The following PRKN variants were observed in gnomAD, a reference collection of about 807,000 sequenced individuals.
PRKN encodes E3 ubiquitin-protein ligase parkin.
In PRKN, 56 loss-of-function variants were observed where a neutral mutation model predicts 59.5. That is an observed-to-expected ratio of 0.94 (90% CI 0.76 to 1.18). The LOEUF (loss-of-function observed/expected upper bound fraction) is 1.18, where lower values mean the gene tolerates loss of function less well. PRKN is among the 50% of genes most tolerant of loss of function. PRKN has a pLI of 0.00. For missense variants in PRKN, 657 were observed against 596.4 expected, an observed-to-expected ratio of 1.10 and a Z score of -1.06; for synonymous variants, 250 against 222.1, an observed-to-expected ratio of 1.13 and a Z score of -1.12.
chr6:162,310,683 A>T (rs1372259104), intron 2 of PRKN, among the ~76,000 whole-genome samples: 1 of 152,022 alleles, frequency 6.6e-6, no homozygotes, highest in Non-Finnish European at 1.5e-5. Flanking sequence ...AACATGGCAC[A>T]TGTATACATA....
At chr6:161,541,167 T>C (rs367757397) in intron 9 of PRKN, among the ~76,000 whole-genome samples, 10 of 152,226 alleles carry the variant, frequency 6.6e-5, no homozygotes, top group Admixed American at 2.0e-4. Context: ...AAATGGGCTA[T>C]ATCTGCACTG....
In PRKN at chr6:162,179,996, GTGTGTGTGTGTA is replaced by G. The variant is rs1383506339; in HGVS notation, c.534+21123_534+21134del. Among the ~76,000 whole-genome samples the G allele has an allele frequency of 7.3e-5, 11 of 150,860 alleles. 1 individual carries two copies. The East Asian group carries it at 1.4e-3, about 19-fold the overall frequency. ...TGTGTGTGTGTGTGTGTGTGTGTGT[GTGTGTGTGTGTA>G]TGTGTGTAGCAAAGTCTACATCCTA... On this transcript the variant is annotated intron_variant, in intron 4 of 11. Transcript: ENST00000366898.
At chr6:161,606,888 G>A (rs753360711) in intron 7 of PRKN, among the ~76,000 whole-genome samples, 2 of 152,200 alleles carry the variant, frequency 1.3e-5, no homozygotes, top group Non-Finnish European at 2.9e-5. Context: ...CCAGGCTGAA[G>A]ACAAAATGTT....
chr6:162,034,170 T>C (rs1247161002), intron 5 of PRKN, among the ~76,000 whole-genome samples: 1 of 110,346 alleles, frequency 9.1e-6, no homozygotes, highest in East Asian at 3.3e-4. Flanking sequence ...TACACATACA[T>C]ATATATATAT....
intron 4 of PRKN, among the ~76,000 whole-genome samples, chr6:162,073,429 C>T (rs1778668702): frequency 6.6e-6 from 1 of 152,110 alleles, no homozygotes; most frequent in Non-Finnish European, 1.5e-5. Flanking sequence ...ACCTCTATAG[C>T]TTTGGGTTTT....
intron 6 of PRKN, among the ~76,000 whole-genome samples, chr6:161,839,846 A>G (rs1353170545): frequency 6.6e-6 from 1 of 152,216 alleles, no homozygotes. Flanking sequence ...GTGTGCAAAT[A>G]CACAAAATGT....
intron 2 of PRKN, among the ~76,000 whole-genome samples, chr6:162,327,464 G>A (rs1783345491): frequency 6.6e-6 from 1 of 152,124 alleles, no homozygotes; most frequent in South Asian, 2.1e-4. Flanking sequence ...TGAGGTCCTT[G>A]ACAATGGTCT....
intron 7 of PRKN, among the ~76,000 whole-genome samples, chr6:161,596,774 TG>T (rs2128142266): frequency 6.6e-6 from 1 of 152,294 alleles, no homozygotes; most frequent in Non-Finnish European, 1.5e-5. Context: ...TGTAGGAGAA[TG>T]AAAGTGCTGA....
intron 6 of PRKN, among the ~76,000 whole-genome samples, chr6:161,947,659 A>G (rs937512254): frequency 6.6e-6 from 1 of 152,348 alleles, no homozygotes; most frequent in African/African-American, 2.4e-5. Context: ...CGCAAGAAAG[A>G]AAGTTCCTTT....
At chr6:161,877,659 A>G (rs1262794579) in intron 6 of PRKN, among the ~76,000 whole-genome samples, 1 of 151,742 alleles carries the variant, frequency 6.6e-6, no homozygotes, top group East Asian at 1.9e-4. Flanking sequence ...TAGTAGAGAC[A>G]GGGTTACACC....
Position 161,973,386 on chromosome 6 carries a change from G to C in PRKN, c.650C>G (p.Thr217Ser). Residue 217 changes from threonine (T) to serine (S), a missense_variant, in exon 6 of 12, where the codon ACC becomes AGC. By Grantham distance (58) the Thr-to-Ser change is moderately conservative (BLOSUM62 1). Coordinates refer to ENST00000366898, the MANE Select transcript of PRKN (RefSeq NM_004562.3). ...AGCTACTGATGTTTCCTTGTCAGAG[G>C]TGGGGTGTGCTCCACATTTAAAGAA... ...EFFFKCGAHP[T>S]SDKETSVALH... 1 of 1,613,372 alleles carries C rather than the reference G, an allele frequency of 6.2e-7. No homozygotes were observed. The highest frequency in any genetic ancestry group is 8.5e-7 in the Non-Finnish European group (1 of 1,179,322).
At chr6:162,039,800 A>G (rs184383112) in intron 5 of PRKN, among the ~76,000 whole-genome samples, 2 of 149,608 alleles carry the variant, frequency 1.3e-5, no homozygotes, top group Non-Finnish European at 3.0e-5. Flanking sequence ...TATGCACACA[A>G]ACAGACAGAC....
intron 2 of PRKN, among the ~76,000 whole-genome samples, chr6:162,313,506 A>T (rs1782617059): frequency 6.6e-6 from 1 of 151,368 alleles, no homozygotes; most frequent in Non-Finnish European, 1.5e-5. Flanking sequence ...TATTTTTTTG[A>T]AATGTAGTTT....
At chr6:161,734,853 A>G (rs958058217) in intron 7 of PRKN, among the ~76,000 whole-genome samples, 1 of 152,142 alleles carries the variant, frequency 6.6e-6, no homozygotes, top group Non-Finnish European at 1.5e-5. Flanking sequence ...CCATTTGCCT[A>G]TATCACAATG....
At chr6:162,141,292 A>G (rs1297686088) in intron 4 of PRKN, among the ~76,000 whole-genome samples, 4 of 152,196 alleles carry the variant, frequency 2.6e-5, no homozygotes, top group Admixed American at 6.5e-5. Context: ...TGGGTTTTTA[A>G]TAAAAATTAT....
At chr6:162,462,128 CTT>C (rs145087827) in intron 1 of PRKN, among the ~76,000 whole-genome samples, 8 of 152,082 alleles carry the variant, frequency 5.3e-5, no homozygotes, top group Non-Finnish European at 5.9e-5. Flanking sequence ...TCCCATGAAA[CTT>C]TTAACGAGCT....
chr6:162,570,110 A>T (rs1023585457), intron 1 of PRKN, among the ~76,000 whole-genome samples: 1 of 152,250 alleles, frequency 6.6e-6, no homozygotes, highest in African/African-American at 2.4e-5. Context: ...TAGGAAAAAA[A>T]TATATAATAA....
At chr6:162,584,252 A>C (rs1262641787) in intron 1 of PRKN, among the ~76,000 whole-genome samples, 7 of 150,710 alleles carry the variant, frequency 4.6e-5, no homozygotes, top group East Asian at 1.9e-4. Context: ...AAAACAAAAA[A>C]AAAAAAAACA....
chr6:161,985,795 T>C (rs1781413932), intron 5 of PRKN, among the ~76,000 whole-genome samples: 1 of 152,130 alleles, frequency 6.6e-6, no homozygotes, highest in Admixed American at 6.6e-5. Context: ...CACCTCTCCC[T>C]TGGCCTGCCA....
Sources: allele counts gnomAD v4.1 joint callset (sites outside exome capture counted in the v4.1 genomes callset), GRCh38; gene constraint gnomAD v4.1.1; transcripts MANE v1.5; gene names NCBI Gene and HGNC (gene_info 2026-07-23, HGNC 2026-07-21).